The following SNTG1 variants were observed in gnomAD, a reference collection of about 807,000 sequenced individuals.
The protein encoded by SNTG1 is gamma-1-syntrophin.
A neutral mutation model predicts 74.7 loss-of-function variants in SNTG1; 39 were observed. The ratio of observed to expected loss-of-function variants is 0.52; its 90% confidence interval spans 0.40 to 0.68. SNTG1 has a LOEUF of 0.68. Ranked by LOEUF, SNTG1 falls within the 30% of genes least tolerant of loss-of-function variation. SNTG1 has a pLI of 0.00. For missense variants in SNTG1, 685 were observed against 609.5 expected, an observed-to-expected ratio of 1.12 and a Z score of -1.30; for synonymous variants, 254 against 217.1, an observed-to-expected ratio of 1.17 and a Z score of -1.49.
At chr8:50,141,601 T>C (rs1246932126) in intron 1 of SNTG1, among the ~76,000 whole-genome samples, 2 of 152,178 alleles carry the variant, frequency 1.3e-5, no homozygotes, top group African/African-American at 4.8e-5. Context: ...ACATTTTGAG[T>C]ATCTGAAACA....
chr8:49,955,627 T>C (rs1810087371), intron 1 of SNTG1, among the ~76,000 whole-genome samples: 1 of 152,214 alleles, frequency 6.6e-6, no homozygotes, highest in Non-Finnish European at 1.5e-5. Context: ...GACTTGCTGC[T>C]TACAAATGTT....
At chr8:50,538,201 C>T (rs2094321178) in intron 11 of SNTG1, among the ~76,000 whole-genome samples, 3 of 151,994 alleles carry the variant, frequency 2.0e-5, no homozygotes, top group South Asian at 2.1e-4. Context: ...TTTATCTTTC[C>T]TGTTTGTAAA....
At chr8:50,435,972 G>T (rs1428680996) in intron 4 of SNTG1, among the ~76,000 whole-genome samples, 1 of 152,140 alleles carries the variant, frequency 6.6e-6, no homozygotes, top group Non-Finnish European at 1.5e-5. Flanking sequence ...ACCCTGCGAT[G>T]CTTGTTGTTT....
At chr8:50,665,550 T>C (rs1168935028) in intron 15 of SNTG1, among the ~76,000 whole-genome samples, 1 of 152,000 alleles carries the variant, frequency 6.6e-6, no homozygotes, top group Non-Finnish European at 1.5e-5. Context: ...TATTCTCCAC[T>C]GCAAAAAGCC....
intron 1 of SNTG1, among the ~76,000 whole-genome samples, chr8:49,952,649 A>G (rs570102137): frequency 2.2e-4 from 33 of 152,230 alleles, no homozygotes; most frequent in South Asian, 2.1e-4. Flanking sequence ...AAAGTATCTG[A>G]CTTGGGATGA....
intron 2 of SNTG1, among the ~76,000 whole-genome samples, chr8:50,385,222 C>A (rs1418451915): frequency 1.3e-5 from 2 of 152,142 alleles, no homozygotes; most frequent in Non-Finnish European, 2.9e-5. Flanking sequence ...TGTTCTGGAC[C>A]CCACTTGAAA....
At chr8:50,503,839 A>G (rs865993592) in intron 9 of SNTG1, among the ~76,000 whole-genome samples, 19 of 152,200 alleles carry the variant, frequency 1.2e-4, no homozygotes, top group African/African-American at 4.6e-4. Flanking sequence ...GCTGCTGGAA[A>G]CGTTCTTTTA....
rs138141126 is a variant in SNTG1 at position 50,687,222 on chromosome 8, C to T, written c.1039-17378C>T. On this transcript the variant is annotated intron_variant, in intron 15 of 18. Transcript: ENST00000642720. ...ACCATGAAACCACAAAGAAAGACAG[C>T]GAGAGATGAAAAATGAAAAAAAAAT... 2.9e-3 allele frequency among the ~76,000 whole-genome samples: 435 copies of T among 148,222 alleles called. 3 individuals carry two copies. Among genetic ancestry groups the T allele is most frequent in the African/African-American group, 0.01 (418 of 40,248 alleles).
chr8:50,532,234 C>T (rs939504427), intron 10 of SNTG1, among the ~76,000 whole-genome samples: 1 of 151,932 alleles, frequency 6.6e-6, no homozygotes, highest in Non-Finnish European at 1.5e-5. Flanking sequence ...AATAATAAAA[C>T]CGTATGAAAA....
At chr8:50,642,584 T>G (rs1329044087) in intron 13 of SNTG1, among the ~76,000 whole-genome samples, 1 of 152,170 alleles carries the variant, frequency 6.6e-6, no homozygotes, top group Non-Finnish European at 1.5e-5. Context: ...AGCCCTTGTA[T>G]TTCAGCCCTA....
At chr8:50,150,978 A>T (rs2131536300) in intron 1 of SNTG1, among the ~76,000 whole-genome samples, 1 of 152,324 alleles carries the variant, frequency 6.6e-6, no homozygotes, top group South Asian at 2.1e-4. Context: ...TAGTTTCAGA[A>T]GGAATGGTAC....
intron 9 of SNTG1, among the ~76,000 whole-genome samples, chr8:50,504,893 G>A (rs1387848387): frequency 6.6e-6 from 1 of 152,104 alleles, no homozygotes; most frequent in African/African-American, 2.4e-5. Flanking sequence ...TAAGTGTTCA[G>A]AAGAGTAGCC....
chr8:50,688,408 T>C (rs529223521), intron 15 of SNTG1, among the ~76,000 whole-genome samples: 107 of 152,352 alleles, frequency 7.0e-4, no homozygotes, highest in Non-Finnish European at 1.4e-3. Context: ...TTTAAGTCTT[T>C]AATCCATCTT....
intron 13 of SNTG1, among the ~76,000 whole-genome samples, chr8:50,634,762 C>T (rs1241920737): frequency 6.6e-6 from 1 of 152,072 alleles, no homozygotes; most frequent in Non-Finnish European, 1.5e-5. Context: ...GCTCATATAT[C>T]CACCACAAGT....
At chr8:50,277,587 A>C (rs2088188960) in intron 2 of SNTG1, among the ~76,000 whole-genome samples, 1 of 152,172 alleles carries the variant, frequency 6.6e-6, no homozygotes, top group Non-Finnish European at 1.5e-5. Context: ...AAGCAACATT[A>C]AACAATTGTG....
At chr8:50,248,243 A>C (rs1309353071) in intron 2 of SNTG1, among the ~76,000 whole-genome samples, 2 of 152,172 alleles carry the variant, frequency 1.3e-5, no homozygotes, top group Non-Finnish European at 2.9e-5. Flanking sequence ...TTGTCAACCC[A>C]TAAAATAGTC....
At chr8:50,135,651 AT>A (rs1309581035) in intron 1 of SNTG1, among the ~76,000 whole-genome samples, 1 of 152,054 alleles carries the variant, frequency 6.6e-6, no homozygotes, top group Non-Finnish European at 1.5e-5. Context: ...AATGAATTTT[AT>A]TTCTCTGCTT....
intron 2 of SNTG1, among the ~76,000 whole-genome samples, chr8:50,198,150 C>G (rs1004561123): frequency 6.6e-6 from 1 of 152,062 alleles, no homozygotes; most frequent in Non-Finnish European, 1.5e-5. Flanking sequence ...CATTTGCCGC[C>G]CCTCAGCAGG....
At chr8:50,611,076 C>T (rs1320124928) in intron 13 of SNTG1, among the ~76,000 whole-genome samples, 3 of 151,958 alleles carry the variant, frequency 2.0e-5, no homozygotes, top group Non-Finnish European at 4.4e-5. Context: ...TATATATAGT[C>T]ACGAGGGAGG....
Sources: allele counts gnomAD v4.1 joint callset (sites outside exome capture counted in the v4.1 genomes callset), GRCh38; gene constraint gnomAD v4.1.1; transcripts MANE v1.5; gene names NCBI Gene and HGNC (gene_info 2026-07-23, HGNC 2026-07-21).